Variants in EPHB4 observed in about 807,000 individuals in gnomAD.
EPHB4 encodes the protein ephrin type-B receptor 4.
A neutral mutation model predicts 110.6 loss-of-function variants in EPHB4; 50 were observed. The observed-to-expected ratio is 0.45, with a 90% CI of 0.36 to 0.57. EPHB4 has a LOEUF of 0.57. Ranked by LOEUF, EPHB4 falls within the 20% of genes least tolerant of loss-of-function variation. The pLI is 0.00. For missense variants in EPHB4, 1,128 were observed against 1,382.1 expected (o/e 0.82, Z 2.91); for synonymous variants, 592 against 578.4 (o/e 1.02, Z -0.34).
At position 100,822,252 on chromosome 7, in the gene EPHB4, G is replaced by A. The variant is rs2116457334; in HGVS notation, c.808+19C>T. 4 of 1,549,598 alleles carry A rather than the reference G, an allele frequency of 2.6e-6. No individual in the cohort carries two copies. Among genetic ancestry groups the A allele is most frequent in the Non-Finnish European group, 3.5e-6 (4 of 1,147,146 alleles). On this transcript the variant is annotated intron_variant, in intron 4 of 16. Transcript: ENST00000358173. This position sits in a 1 kb window ranked among gnomAD's most constrained non-coding sequence, Gnocchi z 4.7. ...TCCCCCGGATGAGCAGCAGTCGCAG[G>A]GGAAGCTCCAGCTCTCACCTCGGCA...
intron 8 of EPHB4, among the ~76,000 whole-genome samples, chr7:100,815,705 T>C (rs1477198915): frequency 6.6e-6 from 1 of 151,876 alleles, no homozygotes; most frequent in Non-Finnish European, 1.5e-5. Flanking sequence ...ACTGGTCCAA[T>C]GCTGGGTGTG....
intron 14 of EPHB4, 144 bp from the exon 15 acceptor site, chr7:100,805,838 G>A (rs183907421): frequency 2.4e-5 from 19 of 788,424 alleles, no homozygotes; most frequent in African/African-American, 2.3e-4. Context: ...CCTCCTAGCC[G>A]GAGTTGAAGC....
intron 1 of EPHB4, among the ~76,000 whole-genome samples, chr7:100,826,608 C>T (rs940100319): frequency 2.6e-5 from 4 of 152,020 alleles, no homozygotes; most frequent in African/African-American, 9.7e-5. Flanking sequence ...CAGAAACCTT[C>T]CCTCATGTAC....
intron 1 of EPHB4, 191 bp downstream of exon 1, chr7:100,826,788 G>T: frequency 1.7e-6 from 1 of 579,868 alleles, no homozygotes; most frequent in Non-Finnish European, 2.9e-6. Flanking sequence ...CCAAACAAAA[G>T]AAAACTCCAC....
Position 100,823,899 on chromosome 7 carries a change from C to T in EPHB4, c.156G>A (p.Gln52=). The T allele has an allele frequency of 2.5e-6, 4 of 1,602,574 alleles. No homozygotes were observed. Among genetic ancestry groups the T allele is most frequent in the Non-Finnish European group, 3.4e-6 (4 of 1,174,676 alleles). Residue 52 remains glutamine, a synonymous_variant, in exon 3 of 17, where the codon CAG becomes CAA. Transcript: ENST00000358173. The part of the protein sequence containing the change: ...WEELSGLDEE[Q]HSVRTYEVCD... ...ACACTTCGTAGGTGCGCACGCTGTG[C>T]TGTTCCTCATCCAGGCCGCTCAGTT... is the stretch of plus-strand genomic sequence containing the variant.
chr7:100,827,163 A>T lies in EPHB4; in HGVS notation c.-133T>A, dbSNP rs976787049. Reference sequence around the variant, plus strand: ...TCGTCGGGGCCCTCAGCGCGGGCCCATGCGAGCGTGCGGGGCACCGGGCGG... The same window carrying T: ...TCGTCGGGGCCCTCAGCGCGGGCCCTTGCGAGCGTGCGGGGCACCGGGCGG... On this transcript the variant is annotated 5_prime_UTR_variant, in exon 1 of 17. The change abolishes an upstream ATG in the 5' untranslated region. Coordinates refer to ENST00000358173, the MANE Select transcript of EPHB4 (RefSeq NM_004444.5). The T allele has an allele frequency of 1.1e-6, 1 of 896,814 alleles. No individual in the cohort carries two copies. The highest frequency in any genetic ancestry group is 3.6e-5 in the Admixed American group (1 of 27,480). The allele number at this position is 896,814 out of a possible 1,614,324, so 55.6% of individuals were successfully genotyped here. A position where few individuals can be genotyped will look rare whatever the true frequency, so the allele number is the denominator to read the frequency against.
intron 4 of EPHB4, chr7:100,820,557 G>A (rs960484322): frequency 1.6e-5 from 5 of 309,774 alleles, no homozygotes; most frequent in Non-Finnish European, 2.9e-5. Flanking sequence ...TTTCCTCTTA[G>A]AGGAGAAAGG....
At chr7:100,806,704 T>A in intron 13 of EPHB4, 135 bp from the exon 14 acceptor site, 1 of 1,077,096 alleles carries the variant, frequency 9.3e-7, no homozygotes, top group African/African-American at 1.6e-5. Flanking sequence ...ACTCTCCAAC[T>A]CTGTTTGCCC....
rs777774115 is a variant in EPHB4 at position 100,807,547 on chromosome 7, C to G, written c.2152G>C (p.Val718Leu). ...GAGGCGATGCCCCGCAGCATGCCCA[C>G]GAGCTGGATGACTGTGAACTGTCCG... Reference protein sequence around the residue: ...NDGQFTVIQLVGMLRGIASGM... With the variant: ...NDGQFTVIQLLGMLRGIASGM... Residue 718 changes from valine to leucine, a missense_variant, in exon 13 of 17, where the codon GTG (valine) becomes CTG (leucine). Val to Leu is a conservative substitution (Grantham distance 32). Transcript: ENST00000358173. 5.6e-6 allele frequency: 9 copies of G among 1,614,058 alleles called. No individual in the cohort carries two copies. The East Asian group carries it at 2.0e-4, about 36-fold the overall frequency.
In EPHB4 at chr7:100,803,500, TC is replaced by T. The variant is rs1048885957; in HGVS notation, c.2924del (p.Gly975GlufsTer53). On this transcript the variant is annotated frameshift_variant, in exon 17 of 17. Transcript: ENST00000358173. LOFTEE classifies it high-confidence loss of function. ...CCGGTCCTCCTGTCCCACCCGGGGT[TC>T]CCGGCTTGGCCTGGGACTTCATGTG... Reference protein sequence around the residue: ...VQHMKSQAKPGTPGGTGGPAP... With the variant: ...VQHMKSQAKPXTPGGTGGPAP... The T allele has an allele frequency of 1.0e-5, 16 of 1,586,850 alleles. No individual in the cohort carries two copies. Among genetic ancestry groups the T allele is most frequent in the Admixed American group, 3.6e-5 (2 of 55,550 alleles).
At chr7:100,813,308 T>TG (rs1415761352) in intron 10 of EPHB4, 100 bp from the exon 11 acceptor site, 3 of 465,256 alleles carry the variant, frequency 6.4e-6, no homozygotes, top group African/African-American at 4.3e-5. Flanking sequence ...TCTCCGTGGT[T>TG]TTTTTTTTTT....
At chr7:100,825,399 ATAGTGT>A (rs1346895908) in intron 1 of EPHB4, 2 of 152,174 alleles carry the variant, frequency 1.3e-5, no homozygotes, top group African/African-American at 4.8e-5. Flanking sequence ...TCCAGCCGGG[ATAGTGT>A]TTTCCTGTCT....
rs1209690840 is a variant in EPHB4, at chr7:100,820,080, G to A, written c.964+61C>T. 5.1e-6 allele frequency: 8 copies of A among 1,577,640 alleles called. No individual in the cohort carries two copies. The East Asian group carries it at 1.6e-4, about 31-fold the overall frequency. ...CAGGGAGGATGGGGGCCATGTGAGG[G>A]TCCACCTCAGAGGTCTGTGACCCCT... On this transcript the variant is annotated intron_variant, in intron 5 of 16. Coordinates refer to ENST00000358173, the MANE Select transcript of EPHB4 (RefSeq NM_004444.5).
At chr7:100,821,575 C>T (rs1402448785) in intron 4 of EPHB4, among the ~76,000 whole-genome samples, 1 of 150,746 alleles carries the variant, frequency 6.6e-6, no homozygotes, top group Non-Finnish European at 1.5e-5. Flanking sequence ...TTGCAGTGAG[C>T]CGAGATCGCA....
intron 12 of EPHB4, among the ~76,000 whole-genome samples, chr7:100,812,545 C>T (rs888637378): frequency 1.3e-5 from 2 of 151,718 alleles, no homozygotes; most frequent in Admixed American, 6.6e-5. Context: ...GCCGAGATCG[C>T]GCCACTGCAC....
chr7:100,811,958 G>A (rs914671394), intron 12 of EPHB4, among the ~76,000 whole-genome samples: 1 of 151,746 alleles, frequency 6.6e-6, no homozygotes, highest in Admixed American at 6.6e-5. Flanking sequence ...GATCACCTGA[G>A]GTCGGGAGTT....
intron 12 of EPHB4, among the ~76,000 whole-genome samples, chr7:100,809,461 C>A (rs1366973047): frequency 6.6e-6 from 1 of 152,166 alleles, no homozygotes; most frequent in African/African-American, 2.4e-5. Flanking sequence ...TCCCGTCACA[C>A]TGCCCAATGC....
chr7:100,808,872 C>T (rs1302257507), intron 12 of EPHB4, among the ~76,000 whole-genome samples: 2 of 152,350 alleles, frequency 1.3e-5, no homozygotes, highest in East Asian at 3.9e-4. Context: ...TTTGTGGCAA[C>T]ACCACCACTT....
At chr7:100,823,475 C>T (rs1813290478) in intron 3 of EPHB4, among the ~76,000 whole-genome samples, 169 bp downstream of exon 3, 1 of 152,280 alleles carries the variant, frequency 6.6e-6, no homozygotes, top group East Asian at 1.9e-4. Flanking sequence ...TATTCTGCTC[C>T]TCCGCCCAGA....
Sources: allele counts gnomAD v4.1 joint callset (sites outside exome capture counted in the v4.1 genomes callset), GRCh38; gene constraint gnomAD v4.1.1; non-coding constraint Gnocchi (gnomAD v3.1); transcripts MANE v1.5; gene names NCBI Gene and HGNC (gene_info 2026-07-23, HGNC 2026-07-21).